Variants in JAM3 observed in about 807,000 individuals in gnomAD.
The protein encoded by JAM3 is junctional adhesion molecule C.
In JAM3, 31 loss-of-function variants were observed where a neutral mutation model predicts 39.4. The ratio of observed to expected loss-of-function variants is 0.79; its 90% CI spans 0.59 to 1.06. The LOEUF (loss-of-function observed/expected upper bound fraction) is 1.06. Among genes scored for constraint, JAM3 ranks in the 50% least tolerant of loss-of-function variants. JAM3 has a pLI of 0.00. For synonymous variants in JAM3, 182 were observed against 148.7 expected (o/e 1.22, Z -1.63); for missense variants, 455 against 391.4 (o/e 1.16, Z -1.37).
At chr11:134,076,143 T>TC (rs1941564900) in intron 1 of JAM3, among the ~76,000 whole-genome samples, 1 of 124,444 alleles carries the variant, frequency 8.0e-6, no homozygotes, top group Non-Finnish European at 1.6e-5. Context: ...TTTTCTTTTC[T>TC]TTTCTTTCTT....
chr11:134,131,789 A>G (rs1942774498), intron 1 of JAM3, among the ~76,000 whole-genome samples: 1 of 152,248 alleles, frequency 6.6e-6, no homozygotes, highest in Admixed American at 6.5e-5. Flanking sequence ...CTGAAAATAC[A>G]ATAACTGAAA....
chr11:134,147,966 T>C (rs1565507434), intron 6 of JAM3: 1 of 157,494 alleles, frequency 6.3e-6, no homozygotes, highest in Non-Finnish European at 1.4e-5. Context: ...CCCAGTGCCT[T>C]TGCCCAGTGT....
chr11:134,090,299 C>G (rs560232072), intron 1 of JAM3, among the ~76,000 whole-genome samples: 129 of 152,312 alleles, frequency 8.5e-4, no homozygotes, highest in Non-Finnish European at 4.9e-4. Flanking sequence ...TGCAGAAGCT[C>G]TTTAGTTTAA....
intron 1 of JAM3, 60 bp from the exon 2 acceptor site, chr11:134,139,791 C>T (rs1367128643): frequency 5.2e-6 from 7 of 1,354,528 alleles, no homozygotes; most frequent in Admixed American, 1.7e-5. Context: ...GACCTCAGTG[C>T]AAGGTTTCTC....
chr11:134,109,880 T>C (rs1591788023), intron 1 of JAM3, among the ~76,000 whole-genome samples: 1 of 152,318 alleles, frequency 6.6e-6, no homozygotes, highest in East Asian at 1.9e-4. Flanking sequence ...GCTGTCTGCT[T>C]AGAAACAAAT....
rs1231242617 is a variant in JAM3 at position 134,090,397 on chromosome 11, T to C, written c.76+21238T>C. On this transcript the variant is annotated intron_variant, in intron 1 of 8. Transcript: ENST00000299106. ...TCCTTGCCCATGCCTATGTGCTGAATGGTATTGCCTAGGTTTTCTTCTAGG... is the reference window on the plus strand; with the variant it reads ...TCCTTGCCCATGCCTATGTGCTGAACGGTATTGCCTAGGTTTTCTTCTAGG... Among the ~76,000 whole-genome samples the C allele has an allele frequency of 2.6e-5, 4 of 152,230 alleles. No homozygotes were observed. The East Asian group carries it at 5.8e-4, about 22-fold the overall frequency.
At chr11:134,089,606 G>T (rs1235008624) in intron 1 of JAM3, among the ~76,000 whole-genome samples, 1 of 152,098 alleles carries the variant, frequency 6.6e-6, no homozygotes, top group Non-Finnish European at 1.5e-5. Flanking sequence ...ATGGTTTCCA[G>T]CTTCATCCAT....
rs899977014 is a variant in JAM3, at chr11:134,149,703, C to T, written c.*522C>T. 1 of 456,552 alleles carries T rather than the reference C, an allele frequency of 2.2e-6. No individual in the cohort carries two copies. Among genetic ancestry groups the T allele is most frequent in the South Asian group, 1.5e-5 (1 of 64,562 alleles). 28.3% of individuals were successfully genotyped at this position (456,552 alleles called of 1,614,324 possible). On this transcript the variant is annotated 3_prime_UTR_variant, in exon 9 of 9. Coordinates refer to ENST00000299106, the MANE Select transcript of JAM3 (RefSeq NM_032801.5). ...GTTTCTTCTTAAAGGCTCTGCTGAT[C>T]GGTGTTGCAGTGTCCATTGTGGAGA...
At chr11:134,108,298 A>G (rs1942240364) in intron 1 of JAM3, among the ~76,000 whole-genome samples, 1 of 152,082 alleles carries the variant, frequency 6.6e-6, no homozygotes, top group Non-Finnish European at 1.5e-5. Context: ...TAGTTAAAAA[A>G]AAAACTGCCC....
intron 3 of JAM3, among the ~76,000 whole-genome samples, chr11:134,143,277 C>T (rs1200006435): frequency 6.6e-6 from 1 of 152,194 alleles, no homozygotes; most frequent in African/African-American, 2.4e-5. Context: ...TTCTAGCCAT[C>T]TTAGTGGGTT....
chr11:134,147,121 T>A lies in JAM3; in HGVS notation c.712+1076T>A, dbSNP rs149072524. On this transcript the variant is annotated intron_variant, in intron 6 of 8. Transcript: ENST00000299106. ...TTGCCCCAGACCTACTTTAGCCTAT[T>A]GACTTTTTAGTGATGAAACTTGGGA... Among the ~76,000 whole-genome samples, 12 of 152,318 alleles carry A rather than the reference T, an allele frequency of 7.9e-5. No homozygotes were observed. The East Asian group carries it at 2.1e-3, about 27-fold the overall frequency.
chr11:134,133,787 T>TA (rs1425066892), intron 1 of JAM3, among the ~76,000 whole-genome samples: 2 of 152,116 alleles, frequency 1.3e-5, no homozygotes, highest in Non-Finnish European at 2.9e-5. Flanking sequence ...ACACACACCT[T>TA]ACCACCACAA....
intron 1 of JAM3, among the ~76,000 whole-genome samples, chr11:134,076,120 A>AT (rs1233758884): frequency 1.5e-5 from 2 of 131,832 alleles, no homozygotes; most frequent in African/African-American, 5.5e-5. Flanking sequence ...TGCTTGCTTA[A>AT]TTTTTTTACT....
At chr11:134,148,977 C>G (rs1450679033) in intron 8 of JAM3, among the ~76,000 whole-genome samples, 159 bp downstream of exon 8, 1 of 151,834 alleles carries the variant, frequency 6.6e-6, no homozygotes, top group African/African-American at 2.4e-5. Context: ...CACACACACA[C>G]ACACACACAC....
In JAM3 at chr11:134,148,955, AACACACACACACAC is replaced by A. The variant is rs368934602; in HGVS notation, c.897+164_898-151del. The A allele has an allele frequency of 3.5e-3, 2,437 of 689,982 alleles. 21 individuals are homozygous for A. The African/African-American group carries it at 0.036, about 10-fold the overall frequency. The allele number at this position is 689,982 out of a possible 1,614,324, so 42.7% of individuals were successfully genotyped here. On this transcript the variant is annotated intron_variant, in intron 8 of 8. Coordinates refer to ENST00000299106, the MANE Select transcript of JAM3 (RefSeq NM_032801.5). Reference sequence around the variant, plus strand: ...CTGAGCTCCTCAGCCCCTTCACAGTAACACACACACACACACACACACACACACACACACACACA... The same window carrying A: ...CTGAGCTCCTCAGCCCCTTCACAGTAACACACACACACACACACACACACA...
intron 1 of JAM3, among the ~76,000 whole-genome samples, chr11:134,088,600 C>T (rs1429041537): frequency 3.9e-5 from 6 of 152,036 alleles, no homozygotes; most frequent in African/African-American, 1.4e-4. Context: ...AATTTGTGTT[C>T]TGGAATAAAT....
chr11:134,095,186 C>G (rs1941955702), intron 1 of JAM3, among the ~76,000 whole-genome samples: 1 of 152,190 alleles, frequency 6.6e-6, no homozygotes, highest in African/African-American at 2.4e-5. Context: ...TGTTTCCCCA[C>G]TTACTGAAAA....
In JAM3 at chr11:134,149,271, G is replaced by A. The variant is rs147798208; in HGVS notation, c.*90G>A. On this transcript the variant is annotated 3_prime_UTR_variant, in exon 9 of 9. Transcript: ENST00000299106. ...CAAGGCAGCGAGAGCTGATGCACTC[G>A]GACAGAGCTAGACACTCATTCAGAA... The A allele has an allele frequency of 7.7e-4, 1,141 of 1,486,160 alleles. 11 individuals carry two copies. The African/African-American group carries it at 0.013, about 17-fold the overall frequency. 92.1% of individuals were successfully genotyped at this position (1,486,160 alleles called of 1,614,324 possible). A position where few individuals can be genotyped will look rare whatever the true frequency, so the allele number is the denominator to read the frequency against.
intron 1 of JAM3, among the ~76,000 whole-genome samples, chr11:134,103,481 C>A (rs529781615): frequency 6.6e-6 from 1 of 152,278 alleles, no homozygotes; most frequent in Admixed American, 6.5e-5. Flanking sequence ...CAGCTAACAT[C>A]ATAATGACAG....
Sources: allele counts gnomAD v4.1 joint callset (sites outside exome capture counted in the v4.1 genomes callset), GRCh38; gene constraint gnomAD v4.1.1; transcripts MANE v1.5; gene names NCBI Gene and HGNC (gene_info 2026-07-23, HGNC 2026-07-21).